Variants in MYO3B observed in about 807,000 individuals in gnomAD.
MYO3B encodes the protein myosin-IIIb.
A neutral mutation model predicts 174.6 loss-of-function variants in MYO3B; 156 were observed. That is an observed-to-expected ratio of 0.89 (90% CI 0.78 to 1.02). The LOEUF is 1.02. Among genes scored for constraint, MYO3B ranks in the 50% least tolerant of loss-of-function variants. MYO3B has a pLI of 0.00. For synonymous variants in MYO3B, 563 were observed against 569.1 expected (o/e 0.99, Z 0.15); for missense variants, 1,632 against 1,639.4 (o/e 1.00, Z 0.08).
chr2:170,517,665 G>A (rs950459264), intron 29 of MYO3B, among the ~76,000 whole-genome samples: 1 of 152,124 alleles, frequency 6.6e-6, no homozygotes, highest in Non-Finnish European at 1.5e-5. Flanking sequence ...ATTATTTGTG[G>A]TGATTTTTCC....
chr2:170,300,274 T>C (rs1438610793), intron 7 of MYO3B, among the ~76,000 whole-genome samples: 2 of 152,212 alleles, frequency 1.3e-5, no homozygotes, highest in Non-Finnish European at 2.9e-5. Context: ...TGACTCACCA[T>C]GTTCTCTTTT....
At chr2:170,463,242 C>T in intron 23 of MYO3B, 126 bp from the exon 24 acceptor site, 1 of 683,136 alleles carries the variant, frequency 1.5e-6, no homozygotes, top group Non-Finnish European at 2.6e-6. Flanking sequence ...ACAGTATACA[C>T]TATTGTGTCC....
At chr2:170,235,600 A>G (rs897447719) in intron 6 of MYO3B, among the ~76,000 whole-genome samples, 10 of 152,214 alleles carry the variant, frequency 6.6e-5, no homozygotes, top group African/African-American at 2.4e-4. Context: ...AAAGTACACA[A>G]GCATCTTTGA....
At chr2:170,370,883 GCTCTCT>G (rs147634999) in intron 9 of MYO3B, among the ~76,000 whole-genome samples, 5,370 of 149,764 alleles carry the variant, frequency 0.036, 305 homozygotes, top group African/African-American at 0.12. Context: ...CCAGATCTAT[GCTCTCT>G]CTCTCTCTCT....
At chr2:170,492,926 A>C (rs756259432) in intron 25 of MYO3B, among the ~76,000 whole-genome samples, 4 of 152,172 alleles carry the variant, frequency 2.6e-5, no homozygotes, top group Non-Finnish European at 5.9e-5. Context: ...GCATTTAACA[A>C]AGTCTCTGTT....
At chr2:170,490,133 A>G (rs1471972606) in intron 25 of MYO3B, among the ~76,000 whole-genome samples, 1 of 149,002 alleles carries the variant, frequency 6.7e-6, no homozygotes, top group African/African-American at 2.5e-5. Flanking sequence ...GGTTCAAGCC[A>G]TTCTCCTGCC....
intron 8 of MYO3B, among the ~76,000 whole-genome samples, chr2:170,362,729 A>G (rs2094170867): frequency 6.6e-6 from 1 of 152,154 alleles, no homozygotes; most frequent in Non-Finnish European, 1.5e-5. Context: ...TTCAGTTCTC[A>G]CCAGTGAGAC....
intron 9 of MYO3B, among the ~76,000 whole-genome samples, chr2:170,379,938 A>G (rs1243399273): frequency 6.6e-6 from 1 of 152,252 alleles, no homozygotes; most frequent in Non-Finnish European, 1.5e-5. Context: ...TTATTTGGCC[A>G]TTAATATTGC....
intron 7 of MYO3B, 146 bp downstream of exon 7, chr2:170,236,282 G>A (rs1461824937): frequency 1.2e-5 from 12 of 967,580 alleles, no homozygotes; most frequent in Middle Eastern, 2.4e-4. Flanking sequence ...AGCAAGGGGG[G>A]CTGGGGGGGA....
chr2:170,420,761 G>C (rs900845677), intron 22 of MYO3B, among the ~76,000 whole-genome samples: 1 of 152,088 alleles, frequency 6.6e-6, no homozygotes, highest in African/African-American at 2.4e-5. Flanking sequence ...TGGGTCTCCT[G>C]TTTCATTTAT....
At chr2:170,646,837 C>G in intron 32 of MYO3B, 1 of 840,356 alleles carries the variant, frequency 1.2e-6, no homozygotes, top group Non-Finnish European at 1.8e-6. Flanking sequence ...TAAATTGAAG[C>G]TGTTCGTCAG....
At chr2:170,466,038 T>G (rs1684607029) in intron 24 of MYO3B, among the ~76,000 whole-genome samples, 2 of 152,174 alleles carry the variant, frequency 1.3e-5, no homozygotes, top group Admixed American at 1.3e-4. Flanking sequence ...CTTTGCCTTG[T>G]TTTTGTATTT....
intron 32 of MYO3B, among the ~76,000 whole-genome samples, chr2:170,619,614 G>A (rs1695722698): frequency 6.6e-6 from 1 of 151,964 alleles, no homozygotes; most frequent in Non-Finnish European, 1.5e-5. Context: ...CTCTTTACAG[G>A]ACTGCGTTAC....
At chr2:170,219,128 C>G (rs1197092093) in intron 6 of MYO3B, among the ~76,000 whole-genome samples, 1 of 152,216 alleles carries the variant, frequency 6.6e-6, no homozygotes, top group Non-Finnish European at 1.5e-5. Context: ...ATTGACAAGT[C>G]TCAAATGCTA....
intron 1 of MYO3B, among the ~76,000 whole-genome samples, chr2:170,184,383 C>A (rs2092438733): frequency 6.6e-6 from 1 of 152,068 alleles, no homozygotes; most frequent in South Asian, 2.1e-4. Context: ...TACTCTGTCT[C>A]CATGAGTTCA....
Position 170,335,426 on chromosome 2 carries a change from A to G in MYO3B, c.791A>G (p.Glu264Gly). Residue 264 changes from glutamate to glycine, a missense_variant, in exon 8 of 35, where the codon GAA becomes GGA. Coordinates refer to ENST00000408978, the MANE Select transcript of MYO3B (RefSeq NM_138995.5). The stretch of plus-strand genomic sequence containing the variant: ...TTACTTCATCCAGAAAAATGGTGTG[A>G]AGAATTCAACCACTTTATTTCACAG... ...PTLLHPEKWC[E>G]EFNHFISQCL... The G allele has an allele frequency of 6.2e-7, 1 of 1,612,472 alleles. No individual in the cohort carries two copies. The highest frequency in any genetic ancestry group is 1.1e-5 in the South Asian group (1 of 90,696).
At chr2:170,636,997 A>G (rs993200087) in intron 32 of MYO3B, among the ~76,000 whole-genome samples, 5 of 141,748 alleles carry the variant, frequency 3.5e-5, no homozygotes, top group Non-Finnish European at 7.7e-5. Context: ...TGTAGGCAAT[A>G]ATTTCCTTGT....
intron 32 of MYO3B, among the ~76,000 whole-genome samples, chr2:170,562,022 C>T (rs80190656): frequency 0.017 from 2,649 of 152,056 alleles, 64 homozygotes; most frequent in East Asian, 0.088. Context: ...GCTCCATCAT[C>T]TTAATTTGTT....
Position 170,514,982 on chromosome 2 carries a change from T to G in MYO3B, c.3432T>G (p.Ser1144Arg). The stretch of plus-strand genomic sequence containing the variant: ...CCGTCGCAGCAGGTACGAGGGGAAG[T>G]GCCGAGGTTCAAGACTGCAGCGAGC... ...HSPVAAGTRG[S>R]AEVQDCSEPG... Residue 1144 changes from serine to arginine, a missense_variant, in exon 29 of 35, where the codon AGT becomes AGG. Transcript: ENST00000408978. The G allele has an allele frequency of 6.2e-7, 1 of 1,614,086 alleles. No individual in the cohort carries two copies. Among genetic ancestry groups the G allele is most frequent in the African/African-American group, 1.3e-5 (1 of 75,040 alleles).
Sources: gnomAD v4.1 joint callset for allele counts (sites outside exome capture counted in the v4.1 genomes callset) on GRCh38, gnomAD v4.1.1 for gene constraint, MANE v1.5 for transcripts, NCBI Gene and HGNC (gene_info 2026-07-23, HGNC 2026-07-21) for gene names.